CADM2: variants seen among roughly 807,000 people sequenced by gnomAD.
The protein encoded by CADM2 is immunoglobulin superfamily member 4D.
Under a neutral mutation model 49.8 loss-of-function variants are expected in CADM2, and 12 were observed. That is an observed-to-expected ratio of 0.24 (90% CI 0.15 to 0.39). The LOEUF (loss-of-function observed/expected upper bound fraction) is 0.39, where lower values mean the gene tolerates loss of function less well. CADM2 is among the 10% of genes least tolerant of loss of function. CADM2 has a pLI of 1.00. For missense variants in CADM2, 378 were observed against 492.3 expected, an observed-to-expected ratio of 0.77 and a Z score of 2.20; for synonymous variants, 214 against 175.4, an observed-to-expected ratio of 1.22 and a Z score of -1.74.
intron 8 of CADM2, chr3:85,993,079 C>T (rs1003864449): frequency 3.3e-5 from 5 of 152,136 alleles, no homozygotes; most frequent in African/African-American, 7.2e-5. Flanking sequence ...TGACTTATGC[C>T]TATAATCCCA....
intron 1 of CADM2, among the ~76,000 whole-genome samples, chr3:85,234,968 T>A (rs903139772): frequency 6.6e-6 from 1 of 151,968 alleles, no homozygotes; most frequent in Non-Finnish European, 1.5e-5. Flanking sequence ...GTGGTGGTCA[T>A]GTTGGCATTT....
intron 1 of CADM2, among the ~76,000 whole-genome samples, chr3:85,300,807 G>GGGTCAAAGT: frequency 6.6e-6 from 1 of 152,226 alleles, no homozygotes; most frequent in Non-Finnish European, 1.5e-5. Flanking sequence ...GTCGGATTGG[G>GGGTCAAAGT]GGTCAAAGTG....
chr3:85,609,487 C>CT (rs2063622366), intron 1 of CADM2, among the ~76,000 whole-genome samples: 1 of 151,880 alleles, frequency 6.6e-6, no homozygotes, highest in Non-Finnish European at 1.5e-5. Context: ...TGTGGTGTTA[C>CT]TGGTGGAGAT....
chr3:85,077,654 T>C (rs994046322), intron 1 of CADM2, among the ~76,000 whole-genome samples: 3 of 152,102 alleles, frequency 2.0e-5, no homozygotes, highest in Non-Finnish European at 4.4e-5. Flanking sequence ...AACAATTTCT[T>C]ATAAACTGCA....
intron 8 of CADM2, chr3:85,994,677 T>C (rs140782022): frequency 2.0e-5 from 3 of 152,154 alleles, no homozygotes; most frequent in Non-Finnish European, 4.4e-5. Context: ...GTAGGATTCT[T>C]AATTGGCCTA....
intron 3 of CADM2, among the ~76,000 whole-genome samples, chr3:85,802,704 G>A (rs2072126553): frequency 6.6e-6 from 1 of 152,092 alleles, no homozygotes; most frequent in Non-Finnish European, 1.5e-5. Context: ...TAAGTAAGAA[G>A]CTGTAGTTTT....
At chr3:85,536,312 A>C (rs1177048942) in intron 1 of CADM2, among the ~76,000 whole-genome samples, 1 of 152,032 alleles carries the variant, frequency 6.6e-6, no homozygotes, top group Non-Finnish European at 1.5e-5. Context: ...AGAAACACTG[A>C]ATAGACCAAT....
At chr3:85,334,956 T>C (rs2045036965) in intron 1 of CADM2, among the ~76,000 whole-genome samples, 1 of 151,142 alleles carries the variant, frequency 6.6e-6, no homozygotes, top group African/African-American at 2.4e-5. Flanking sequence ...GTAATAAAAA[T>C]AGGGCTATGA....
At chr3:85,299,743 T>C (rs890112206) in intron 1 of CADM2, among the ~76,000 whole-genome samples, 3 of 152,050 alleles carry the variant, frequency 2.0e-5, no homozygotes, top group Admixed American at 6.6e-5. Context: ...ATCTATATTA[T>C]TGACTTGTGA....
chr3:85,453,947 G>A (rs1198777828), intron 1 of CADM2, among the ~76,000 whole-genome samples: 1 of 151,992 alleles, frequency 6.6e-6, no homozygotes, highest in Non-Finnish European at 1.5e-5. Context: ...ATTTTACATG[G>A]TAAAAACTAC....
chr3:85,048,552 T>C (rs146232316), intron 1 of CADM2, among the ~76,000 whole-genome samples: 3 of 152,252 alleles, frequency 2.0e-5, no homozygotes, highest in African/African-American at 7.2e-5. Flanking sequence ...ATTGTTGCAA[T>C]AATCAAGCCT....
chr3:85,782,269 T>C (rs934187723), intron 2 of CADM2, among the ~76,000 whole-genome samples: 1 of 152,200 alleles, frequency 6.6e-6, no homozygotes. Context: ...TAACAAACAT[T>C]ATATGATCTC....
intron 1 of CADM2, among the ~76,000 whole-genome samples, chr3:85,288,608 T>C (rs957292580): frequency 2.0e-5 from 3 of 152,130 alleles, no homozygotes; most frequent in African/African-American, 7.2e-5. Context: ...TTCAAATAAT[T>C]GCATGGTAGG....
intron 1 of CADM2, among the ~76,000 whole-genome samples, chr3:85,128,058 T>G (rs996745049): frequency 1.3e-5 from 2 of 152,142 alleles, no homozygotes; most frequent in African/African-American, 4.8e-5. Context: ...ATAGTAGAGA[T>G]AGAGAACATT....
rs931920702 is a variant in CADM2 at position 85,713,635 on chromosome 3, G to T, written c.62-12887G>T. Among the ~76,000 whole-genome samples, 12 of 152,146 alleles carry T rather than the reference G, an allele frequency of 7.9e-5. No individual in the cohort carries two copies. The East Asian group carries it at 1.5e-3, about 20-fold the overall frequency. On this transcript the variant is annotated intron_variant, in intron 1 of 9. Transcript: ENST00000383699. ...CTATCTACAATTGAATTCTCAATGT[G>T]ATTTTTCCTCCTGTCACTTGCGTCT...
intron 1 of CADM2, among the ~76,000 whole-genome samples, chr3:85,260,052 A>T (rs186782893): frequency 6.6e-6 from 1 of 152,100 alleles, no homozygotes; most frequent in East Asian, 1.9e-4. Flanking sequence ...TTTGCTTTAA[A>T]ATTTTTTAAA....
chr3:85,583,520 CAT>C (rs1272175475), intron 1 of CADM2, among the ~76,000 whole-genome samples: 2 of 151,988 alleles, frequency 1.3e-5, no homozygotes, highest in African/African-American at 4.8e-5. Context: ...GCTTTGGAAA[CAT>C]AGTGGAAATT....
At chr3:85,044,093 A>G (rs1417711932) in intron 1 of CADM2, among the ~76,000 whole-genome samples, 3 of 152,034 alleles carry the variant, frequency 2.0e-5, no homozygotes, top group Admixed American at 6.6e-5. Context: ...AGATCATCCA[A>G]CCACCTTGCT....
rs547625947 is a variant in CADM2 at position 86,067,624 on chromosome 3, A to G, written c.*841A>G. The stretch of plus-strand genomic sequence containing the variant: ...CTGCCTAAACAATATTGAAGTATCC[A>G]TAGGGCACAATTTTCAGACATTTTA... On this transcript the variant is annotated 3_prime_UTR_variant, in exon 10 of 10. Coordinates refer to ENST00000383699, the MANE Select transcript of CADM2 (RefSeq NM_001167675.2). 3.0e-4 allele frequency: 46 copies of G among 152,664 alleles called. No individual in the cohort carries two copies. Among genetic ancestry groups the G allele is most frequent in the African/African-American group, 1.1e-3 (45 of 41,592 alleles). 9.5% of individuals were successfully genotyped at this position (152,664 alleles called of 1,614,324 possible). A position where few individuals can be genotyped will look rare whatever the true frequency, so the allele number is the denominator to read the frequency against.
Sources: allele counts gnomAD v4.1 joint callset (sites outside exome capture counted in the v4.1 genomes callset), GRCh38; gene constraint gnomAD v4.1.1; transcripts MANE v1.5; gene names NCBI Gene and HGNC (gene_info 2026-07-23, HGNC 2026-07-21).